Variants in SGCZ observed in about 807,000 individuals in gnomAD.
The protein encoded by SGCZ is zeta-sarcoglycan.
SGCZ carries 40 observed loss-of-function variants against 41.3 expected under a neutral mutation model. That is an observed-to-expected ratio of 0.97 (90% CI 0.75 to 1.26). The LOEUF is 1.26. SGCZ is among the 50% of genes most tolerant of loss of function. The pLI, the probability that SGCZ is intolerant of heterozygous loss-of-function variation, is 0.00. For synonymous variants in SGCZ, 206 were observed against 137.5 expected (o/e 1.50, Z -3.49); for missense variants, 552 against 369.8 (o/e 1.49, Z -4.04).
intron 4 of SGCZ, among the ~76,000 whole-genome samples, chr8:14,200,217 C>CAGG (rs1217831758): frequency 6.6e-5 from 10 of 152,092 alleles, no homozygotes; most frequent in East Asian, 3.9e-4. Flanking sequence ...CAAAGAAGAT[C>CAGG]TAAATAAATG....
At chr8:14,113,092 C>A (rs1802422462) in intron 5 of SGCZ, among the ~76,000 whole-genome samples, 1 of 151,978 alleles carries the variant, frequency 6.6e-6, no homozygotes, top group Non-Finnish European at 1.5e-5. Context: ...CTCCACTTAC[C>A]ACCACAAAAT....
intron 1 of SGCZ, among the ~76,000 whole-genome samples, chr8:14,837,192 T>C (rs1263431134): frequency 6.6e-6 from 1 of 152,028 alleles, no homozygotes; most frequent in East Asian, 1.9e-4. Flanking sequence ...AAGCAGTAAA[T>C]ATGTGCACCA....
intron 1 of SGCZ, among the ~76,000 whole-genome samples, chr8:15,115,761 G>A (rs1807245662): frequency 6.6e-6 from 1 of 152,178 alleles, no homozygotes; most frequent in African/African-American, 2.4e-5. Flanking sequence ...AGAAATGTAA[G>A]CTATTTTAAA....
At chr8:14,895,948 A>G (rs755667158) in intron 1 of SGCZ, among the ~76,000 whole-genome samples, 23 of 152,336 alleles carry the variant, frequency 1.5e-4, no homozygotes, top group Non-Finnish European at 2.8e-4. Flanking sequence ...CTTTAGTAAA[A>G]TGTTTGCATT....
intron 4 of SGCZ, among the ~76,000 whole-genome samples, chr8:14,215,978 G>C (rs1207540819): frequency 6.6e-6 from 1 of 152,230 alleles, no homozygotes; most frequent in Non-Finnish European, 1.5e-5. Flanking sequence ...CACAGACCCT[G>C]AGGAGGGTGC....
chr8:14,119,665 T>A (rs1351292768), intron 5 of SGCZ, among the ~76,000 whole-genome samples: 1 of 152,202 alleles, frequency 6.6e-6, no homozygotes, highest in Admixed American at 6.5e-5. Context: ...TGCTTTCAGC[T>A]TTTGGCCATT....
chr8:15,047,896 C>T (rs1275984382), intron 1 of SGCZ, among the ~76,000 whole-genome samples: 1 of 151,942 alleles, frequency 6.6e-6, no homozygotes, highest in African/African-American at 2.4e-5. Flanking sequence ...AAAATGTAAA[C>T]TAGCACAGCC....
chr8:14,533,669 C>G (rs1803206166), intron 2 of SGCZ, among the ~76,000 whole-genome samples: 1 of 151,926 alleles, frequency 6.6e-6, no homozygotes, highest in Non-Finnish European at 1.5e-5. Context: ...CAAGTGTACT[C>G]TTTTATCCAT....
At chr8:15,142,440 C>T (rs989842753) in intron 1 of SGCZ, among the ~76,000 whole-genome samples, 3 of 152,062 alleles carry the variant, frequency 2.0e-5, no homozygotes, top group African/African-American at 7.2e-5. Context: ...CTAGAGCCTA[C>T]AGAATGTTTC....
intron 1 of SGCZ, among the ~76,000 whole-genome samples, chr8:14,573,358 C>A (rs1275216284): frequency 2.9e-5 from 4 of 140,230 alleles, no homozygotes; most frequent in Non-Finnish European, 4.9e-5. Flanking sequence ...CCATCGCGCC[C>A]GGCTAAATTT....
intron 3 of SGCZ, among the ~76,000 whole-genome samples, chr8:14,247,480 C>T (rs977539682): frequency 6.6e-6 from 1 of 152,200 alleles, no homozygotes; most frequent in African/African-American, 2.4e-5. Flanking sequence ...CCAACTCCAC[C>T]TTTAGCCATG....
chr8:14,090,785 T>A, intron 7 of SGCZ, 148 bp from the exon 8 acceptor site: 1 of 691,482 alleles, frequency 1.4e-6, no homozygotes, highest in Non-Finnish European at 2.4e-6. Flanking sequence ...ACAAACAAAT[T>A]ACATTCCTAC....
chr8:14,947,426 T>C (rs1032958636), intron 1 of SGCZ, among the ~76,000 whole-genome samples: 11 of 152,144 alleles, frequency 7.2e-5, no homozygotes, highest in African/African-American at 2.7e-4. Context: ...TCTTTCTTTG[T>C]CCTGATGTGG....
At chr8:14,198,046 A>T (rs1487567899) in intron 4 of SGCZ, among the ~76,000 whole-genome samples, 6 of 152,220 alleles carry the variant, frequency 3.9e-5, no homozygotes, top group Admixed American at 6.5e-5. Flanking sequence ...TTTATAGCAC[A>T]ATAATACATT....
intron 5 of SGCZ, among the ~76,000 whole-genome samples, chr8:14,116,543 C>T (rs187276464): frequency 1.3e-5 from 2 of 152,176 alleles, no homozygotes; most frequent in East Asian, 3.9e-4. Flanking sequence ...AGCCTATCAT[C>T]CAATAACAAG....
intron 4 of SGCZ, among the ~76,000 whole-genome samples, chr8:14,225,354 T>A (rs996304219): frequency 3.9e-4 from 60 of 152,060 alleles, no homozygotes; most frequent in African/African-American, 1.3e-3. Context: ...ATTAGTTTTG[T>A]TAAACTTAAA....
chr8:14,918,203 A>T (rs1328185344), intron 1 of SGCZ, among the ~76,000 whole-genome samples: 4 of 152,136 alleles, frequency 2.6e-5, no homozygotes, highest in Non-Finnish European at 4.4e-5. Context: ...ACGGAGAATT[A>T]AGGCAATGAG....
At chr8:14,564,693 A>C (rs529237808) in intron 1 of SGCZ, among the ~76,000 whole-genome samples, 5 of 152,322 alleles carry the variant, frequency 3.3e-5, no homozygotes, top group African/African-American at 9.6e-5. Flanking sequence ...TGGTTGAAAT[A>C]GAATTTTTAA....
intron 3 of SGCZ, among the ~76,000 whole-genome samples, chr8:14,319,823 C>T (rs921160337): frequency 2.0e-5 from 3 of 151,970 alleles, no homozygotes; most frequent in Non-Finnish European, 4.4e-5. Context: ...TCCAATCACA[C>T]TGCAGGGAGT....
Sources: gnomAD v4.1 joint callset for allele counts (sites outside exome capture counted in the v4.1 genomes callset) on GRCh38, gnomAD v4.1.1 for gene constraint, MANE v1.5 for transcripts, NCBI Gene and HGNC (gene_info 2026-07-23, HGNC 2026-07-21) for gene names.